EMSY: variants seen among roughly 807,000 people sequenced by gnomAD.
EMSY encodes the protein EMSY transcriptional repressor, BRCA2 interacting, also known as BRCA2-interacting transcriptional repressor EMSY.
EMSY carries 26 observed loss-of-function variants against 134.6 expected under a neutral mutation model. The ratio of observed to expected loss-of-function variants is 0.19; its 90% confidence interval spans 0.14 to 0.27. The LOEUF (loss-of-function observed/expected upper bound fraction) is 0.27, where lower values mean the gene tolerates loss of function less well. Ranked by LOEUF, EMSY falls within the 10% of genes least tolerant of loss-of-function variation. The pLI is 1.00. For missense variants in EMSY, 1,305 were observed against 1,611.4 expected (o/e 0.81, Z 3.26); for synonymous variants, 579 against 577.8 (o/e 1.00, Z -0.03).
chr11:76,551,326 T>C (rs758981801), exon 21 of EMSY: 2 of 152,638 alleles, frequency 1.3e-5, no homozygotes, highest in Non-Finnish European at 2.9e-5. Context: ...AAAATGTAAA[T>C]AGAAAAGTTT....
intron 7 of EMSY, among the ~76,000 whole-genome samples, chr11:76,470,320 A>G (rs1490898698): frequency 6.6e-6 from 1 of 152,172 alleles, no homozygotes; most frequent in Non-Finnish European, 1.5e-5. Flanking sequence ...GGGTTTTACT[A>G]TACCACCCCA....
At chr11:76,463,946 G>A (rs1264924723) in exon 7 of EMSY, 5 of 1,614,180 alleles carry the variant, frequency 3.1e-6, no homozygotes, top group Non-Finnish European at 4.2e-6. Flanking sequence ...GACGATCACT[G>A]TGCCTGTGAG....
chr11:76,445,486 A>G (rs180708744), intron 1 of EMSY, among the ~76,000 whole-genome samples: 3 of 151,736 alleles, frequency 2.0e-5, no homozygotes, highest in Non-Finnish European at 4.4e-5. Flanking sequence ...TGGACTTGAC[A>G]TTGGGACCGG....
intron 10 of EMSY, among the ~76,000 whole-genome samples, chr11:76,513,992 G>A (rs1950365360): frequency 6.6e-6 from 1 of 152,122 alleles, no homozygotes; most frequent in East Asian, 1.9e-4. Flanking sequence ...TTTAGTAAGC[G>A]TTACTGAGAC....
At chr11:76,494,208 C>T (rs1949537936) in intron 8 of EMSY, among the ~76,000 whole-genome samples, 1 of 152,202 alleles carries the variant, frequency 6.6e-6, no homozygotes, top group South Asian at 2.1e-4. Flanking sequence ...GAGCCAAGCA[C>T]CGCCTGCAGG....
exon 21 of EMSY, chr11:76,550,357 AAAG>A (rs1244902126): frequency 5.9e-6 from 2 of 336,334 alleles, no homozygotes; most frequent in African/African-American, 2.4e-5. Context: ...AAAAAATGAA[AAAG>A]AAAAAAAAAG....
chr11:76,455,347 A>G (rs1180829430), intron 4 of EMSY, among the ~76,000 whole-genome samples: 1 of 152,068 alleles, frequency 6.6e-6, no homozygotes, highest in Admixed American at 6.5e-5. Flanking sequence ...TGTTTTATCT[A>G]CTTGTTGAGC....
chr11:76,446,323 G>GTATATATATATGTGTATATATA (rs1555036459), intron 1 of EMSY, among the ~76,000 whole-genome samples: 2 of 57,998 alleles, frequency 3.4e-5, no homozygotes, highest in African/African-American at 6.9e-5. Flanking sequence ...GTGTGTGTGT[G>GTATATATATATGTGTATATATA]TATATATATA....
rs1364061660 is a variant in EMSY at position 76,546,995 on chromosome 11, A to G, written c.3774+698A>G. The G allele has an allele frequency of 1.6e-5, 7 of 439,794 alleles. 1 individual carries two copies. Among genetic ancestry groups the G allele is most frequent in the Non-Finnish European group, 3.2e-5 (7 of 220,598 alleles). The allele number at this position is 439,794 out of a possible 1,614,324, so 27.2% of individuals were successfully genotyped here. A position where few individuals can be genotyped will look rare whatever the true frequency, so the allele number is the denominator to read the frequency against. On this transcript the variant is annotated intron_variant, in intron 20 of 20. Coordinates refer to ENST00000334736, the Ensembl canonical transcript of EMSY. Reference sequence around the variant, plus strand: ...ATAGATGGTACCTCACATTCCCTTGATTCTAAAAATCATCTCTTGTCATGC... The same window carrying G: ...ATAGATGGTACCTCACATTCCCTTGGTTCTAAAAATCATCTCTTGTCATGC...
At chr11:76,515,057 G>A (rs1256724487) in intron 10 of EMSY, among the ~76,000 whole-genome samples, 1 of 146,140 alleles carries the variant, frequency 6.8e-6, no homozygotes, top group Non-Finnish European at 1.5e-5. Context: ...TATTTACTTT[G>A]CACTAGTTTT....
intron 11 of EMSY, among the ~76,000 whole-genome samples, chr11:76,520,210 C>G (rs929456888): frequency 3.9e-5 from 6 of 152,006 alleles, no homozygotes; most frequent in African/African-American, 1.4e-4. Flanking sequence ...TTTCCTTATG[C>G]TATTCCTTTT....
intron 8 of EMSY, among the ~76,000 whole-genome samples, chr11:76,488,428 C>T (rs895198481): frequency 6.6e-6 from 1 of 152,106 alleles, no homozygotes; most frequent in Non-Finnish European, 1.5e-5. Context: ...GATTGTGCCA[C>T]TGCACTCTAG....
Position 76,458,170 on chromosome 11 carries a change from C to CT in EMSY, c.246-7dup. 1 of 1,589,214 alleles carries CT rather than the reference C, an allele frequency of 6.3e-7. No homozygotes were observed. The highest frequency in any genetic ancestry group is 8.6e-7 in the Non-Finnish European group (1 of 1,169,520). Reference sequence around the variant, plus strand: ...TTGAAAACCCTTGTAGCAGCGCTTTCTTTTTTGTTTAGTATGTCTGGACCT... The same window carrying CT: ...TTGAAAACCCTTGTAGCAGCGCTTTCTTTTTTTGTTTAGTATGTCTGGACCT... On this transcript the variant is annotated splice_polypyrimidine_tract_variant and intron_variant, in intron 4 of 20. Transcript: ENST00000334736.
chr11:76,547,507 C>G (rs892059691), intron 20 of EMSY, among the ~76,000 whole-genome samples: 1 of 152,148 alleles, frequency 6.6e-6, no homozygotes, highest in African/African-American at 2.4e-5. Context: ...TCTGGCTTTG[C>G]CATTCATTGT....
At chr11:76,453,254 G>A (rs1947739864) in intron 3 of EMSY, 60 bp from the exon 4 acceptor site, 2 of 1,497,506 alleles carry the variant, frequency 1.3e-6, no homozygotes, top group Non-Finnish European at 9.2e-7. Flanking sequence ...AAACATTAAT[G>A]AAAGTATAGA....
At chr11:76,478,374 C>T (rs1199471308) in intron 8 of EMSY, among the ~76,000 whole-genome samples, 10 of 139,174 alleles carry the variant, frequency 7.2e-5, no homozygotes, top group Admixed American at 1.5e-4. Context: ...GACTGAGTCT[C>T]GCTCTGTTGC....
At chr11:76,475,920 A>T (rs1484027962) in intron 8 of EMSY, among the ~76,000 whole-genome samples, 1 of 152,016 alleles carries the variant, frequency 6.6e-6, no homozygotes, top group Admixed American at 6.5e-5. Context: ...TTGGTAAATG[A>T]CTCCATGTTT....
At chr11:76,494,998 A>G (rs1949593159) in intron 8 of EMSY, among the ~76,000 whole-genome samples, 1 of 152,046 alleles carries the variant, frequency 6.6e-6, no homozygotes, top group African/African-American at 2.4e-5. Context: ...AGCCTCCCAA[A>G]GTGTTGGGAT....
At chr11:76,538,705 C>T (rs919674376) in intron 16 of EMSY, among the ~76,000 whole-genome samples, 4 of 152,136 alleles carry the variant, frequency 2.6e-5, no homozygotes, top group African/African-American at 9.6e-5. Context: ...CGCCTGTAAT[C>T]CCAGCATTTT....
Sources: allele counts gnomAD v4.1 joint callset (sites outside exome capture counted in the v4.1 genomes callset), GRCh38; gene constraint gnomAD v4.1.1; transcripts MANE v1.5; gene names NCBI Gene and HGNC (gene_info 2026-07-23, HGNC 2026-07-21).